KLHL5: variants seen among roughly 807,000 people sequenced by gnomAD.
The protein encoded by KLHL5 is kelch like family member 5.
A neutral mutation model predicts 77.7 loss-of-function variants in KLHL5; 48 were observed. The ratio of observed to expected loss-of-function variants is 0.62; its 90% CI spans 0.49 to 0.79. KLHL5 has a LOEUF of 0.79. Among genes scored for constraint, KLHL5 ranks in the 30% least tolerant of loss-of-function variants. KLHL5 has a pLI of 0.00. For missense variants in KLHL5, 723 were observed against 859.7 expected, an observed-to-expected ratio of 0.84 and a Z score of 1.99; for synonymous variants, 260 against 297.0, an observed-to-expected ratio of 0.88 and a Z score of 1.28.
intron 10 of KLHL5, chr4:39,120,349 TTC>T (rs1301616802): frequency 1.3e-5 from 2 of 152,220 alleles, no homozygotes; most frequent in African/African-American, 4.8e-5. Context: ...TTAGATTGCA[TTC>T]CTTCCCCTAG....
At chr4:39,097,887 T>C (rs1325572339) in intron 6 of KLHL5, among the ~76,000 whole-genome samples, 1 of 152,096 alleles carries the variant, frequency 6.6e-6, no homozygotes, top group East Asian at 1.9e-4. Context: ...TCTTAGCACT[T>C]TGGGAGGCCG....
At chr4:39,138,300 C>T in the KLHL5 span, among the ~76,000 whole-genome samples, 1 of 152,228 alleles carries the variant, frequency 6.6e-6, no homozygotes, top group South Asian at 2.1e-4. Context: ...GACATATGCA[C>T]ATGTATGTTC....
upstream of KLHL5, among the ~76,000 whole-genome samples, chr4:39,060,630 A>G (rs1717338687): frequency 6.6e-6 from 1 of 152,208 alleles, no homozygotes; most frequent in South Asian, 2.1e-4. Flanking sequence ...CAGTGTTATA[A>G]AAGAGGGAAC....
rs751448347 is a variant in KLHL5, at chr4:39,062,540, A to T, written c.-113A>T. On this transcript the variant is annotated 5_prime_UTR_variant, in exon 1 of 11. Coordinates refer to ENST00000504108, the MANE Select transcript of KLHL5 (RefSeq NM_015990.5). ...ATGAATGTGATTTATTTTCCTTTAC[A>T]TATTTTTGTTGTGTACAGCAGGGCA... is the stretch of plus-strand genomic sequence containing the variant. The T allele has an allele frequency of 1.9e-6, 3 of 1,611,118 alleles. No individual in the cohort carries two copies. In the South Asian group the frequency reaches 3.3e-5, roughly 18 times the overall value.
intron 1 of KLHL5, among the ~76,000 whole-genome samples, chr4:39,069,600 T>G (rs893963332): frequency 2.7e-5 from 4 of 146,970 alleles, no homozygotes; most frequent in Non-Finnish European, 6.0e-5. Context: ...TAGAGATAAG[T>G]AAAAATGAAA....
chr4:39,109,911 C>T (rs2109559247), intron 8 of KLHL5, among the ~76,000 whole-genome samples: 2 of 152,168 alleles, frequency 1.3e-5, no homozygotes, highest in South Asian at 4.1e-4. Context: ...GTCTCAAACT[C>T]CTGACCTCAA....
upstream of KLHL5, among the ~76,000 whole-genome samples, chr4:39,060,395 A>C (rs974913430): frequency 6.6e-6 from 1 of 152,058 alleles, no homozygotes; most frequent in Admixed American, 6.6e-5. Flanking sequence ...TGGCCCCTGC[A>C]CACTCAATGC....
chr4:39,062,093 T>C (rs1244763252), upstream of KLHL5: 4 of 301,554 alleles, frequency 1.3e-5, no homozygotes, highest in African/African-American at 9.1e-5. Context: ...TTGTGGTATT[T>C]CACTTAGGGA....
intron 5 of KLHL5, among the ~76,000 whole-genome samples, 183 bp downstream of exon 5, chr4:39,086,910 T>C (rs1334885293): frequency 2.2e-5 from 3 of 138,046 alleles, no homozygotes; most frequent in Non-Finnish European, 4.7e-5. Context: ...CATTCTTTTT[T>C]TTTTTTTTTT....
chr4:39,108,959 T>G (rs1722243154), intron 8 of KLHL5, among the ~76,000 whole-genome samples: 1 of 152,208 alleles, frequency 6.6e-6, no homozygotes, highest in Non-Finnish European at 1.5e-5. Flanking sequence ...CTTACTTACT[T>G]ACCTTTTCTT....
chr4:39,087,079 T>A (rs937357792), intron 5 of KLHL5, among the ~76,000 whole-genome samples: 1 of 151,890 alleles, frequency 6.6e-6, no homozygotes, highest in South Asian at 2.1e-4. Flanking sequence ...CCTGGCTAAT[T>A]GTTGTATTTT....
the KLHL5 span, among the ~76,000 whole-genome samples, chr4:39,142,473 C>T: frequency 6.6e-6 from 1 of 151,874 alleles, no homozygotes; most frequent in Non-Finnish European, 1.5e-5. Context: ...AGAGTATTTT[C>T]TCTCTTAAAA....
intron 10 of KLHL5, among the ~76,000 whole-genome samples, chr4:39,119,819 G>T (rs9990755): frequency 0.53 from 79,795 of 151,596 alleles, 21,496 homozygotes; most frequent in Non-Finnish European, 0.59. Context: ...GAGACTAAGT[G>T]TCTTGGATGA....
intron 8 of KLHL5, among the ~76,000 whole-genome samples, chr4:39,108,349 T>C (rs1198928870): frequency 6.6e-6 from 1 of 152,132 alleles, no homozygotes; most frequent in Admixed American, 6.5e-5. Context: ...CTGTGGTTGT[T>C]AAAGAAAGTT....
At chr4:39,135,553 TCCACGTTGACTGAG>T in the KLHL5 span, 1 of 152,312 alleles carries the variant, frequency 6.6e-6, no homozygotes, top group Non-Finnish European at 1.5e-5. Context: ...AAGGCTCATG[TCCACGTTGACTGAG>T]CAGGTAATGA....
chr4:39,126,697 T>G (rs1194787720), downstream of KLHL5: 1 of 454,448 alleles, frequency 2.2e-6, no homozygotes, highest in South Asian at 1.6e-5. Flanking sequence ...AATTCAGGTA[T>G]TTTCACATAC....
At chr4:39,083,754 T>G (rs1278017383) in intron 4 of KLHL5, among the ~76,000 whole-genome samples, 2 of 152,232 alleles carry the variant, frequency 1.3e-5, no homozygotes, top group African/African-American at 4.8e-5. Flanking sequence ...AGGTGTTTTA[T>G]TCAGGTGAAA....
intron 4 of KLHL5, 110 bp downstream of exon 4, chr4:39,082,269 G>A (rs1316286678): frequency 2.1e-5 from 18 of 864,570 alleles, no homozygotes; most frequent in Admixed American, 5.0e-5. Context: ...CGTGTCTTGC[G>A]ATTGAGCTTC....
At position 39,122,600 on chromosome 4, in the gene KLHL5, T is replaced by A. The variant is rs1323094486; in HGVS notation, c.*1534T>A. On this transcript the variant is annotated 3_prime_UTR_variant, in exon 11 of 11. Coordinates refer to ENST00000504108, the MANE Select transcript of KLHL5 (RefSeq NM_015990.5). Reference sequence around the variant, plus strand: ...GTGGGCGGATCACGAGGTCAGGAGATGGAGACCATCCTGGCTAACACAGTG... The same window carrying A: ...GTGGGCGGATCACGAGGTCAGGAGAAGGAGACCATCCTGGCTAACACAGTG... Among the ~76,000 whole-genome samples, 1 of 151,974 alleles carries A rather than the reference T, an allele frequency of 6.6e-6. No individual in the cohort carries two copies. The highest frequency in any genetic ancestry group is 1.9e-4 in the East Asian group (1 of 5,184).
Sources: allele counts gnomAD v4.1 joint callset (sites outside exome capture counted in the v4.1 genomes callset), GRCh38; gene constraint gnomAD v4.1.1; transcripts MANE v1.5; gene names NCBI Gene and HGNC (gene_info 2026-07-23, HGNC 2026-07-21).